HS2ST1: variants seen among roughly 807,000 people sequenced by gnomAD.
HS2ST1 encodes heparan sulfate 2-O-sulfotransferase 1.
Under a neutral mutation model 42.9 loss-of-function variants are expected in HS2ST1, and 18 were observed. The observed-to-expected ratio is 0.42, with a 90% CI of 0.29 to 0.62. HS2ST1 has a LOEUF of 0.62. Ranked by LOEUF, HS2ST1 falls within the 20% of genes least tolerant of loss-of-function variation. The pLI is 0.21. For missense variants in HS2ST1, 334 were observed against 433.8 expected, an observed-to-expected ratio of 0.77 and a Z score of 2.04; for synonymous variants, 146 against 152.9, an observed-to-expected ratio of 0.95 and a Z score of 0.33.
chr1:87,077,965 T>C (rs1382789252), intron 2 of HS2ST1, among the ~76,000 whole-genome samples: 3 of 152,232 alleles, frequency 2.0e-5, no homozygotes, highest in Non-Finnish European at 2.9e-5. Context: ...ACTTTTCTTA[T>C]ATTTTTATCC....
intron 1 of HS2ST1, among the ~76,000 whole-genome samples, chr1:87,006,587 T>G (rs1447124851): frequency 6.6e-6 from 1 of 152,068 alleles, no homozygotes; most frequent in Non-Finnish European, 1.5e-5. Flanking sequence ...TTAATTAGAA[T>G]GGTTAAGATG....
chr1:86,922,755 T>TTAA (rs1660326905), intron 1 of HS2ST1, among the ~76,000 whole-genome samples: 1 of 152,196 alleles, frequency 6.6e-6, no homozygotes. Context: ...TTGCCTACTT[T>TTAA]TAAGAGTTTC....
intron 1 of HS2ST1, chr1:87,064,555 A>G (rs373451823): frequency 4.6e-4 from 240 of 516,442 alleles, no homozygotes; most frequent in Non-Finnish European, 8.1e-4. Flanking sequence ...CTATCTGGAA[A>G]CCACACAAGA....
intron 1 of HS2ST1, among the ~76,000 whole-genome samples, chr1:86,950,747 G>T (rs1647490068): frequency 6.6e-6 from 1 of 152,082 alleles, no homozygotes; most frequent in Non-Finnish European, 1.5e-5. Context: ...TTAACAATTG[G>T]TCAGAGACTG....
Position 86,985,368 on chromosome 1 carries a change from G to GTATA in HS2ST1, c.124+70221_124+70224dup, listed in dbSNP as rs1553135008. 2.0e-3 allele frequency among the ~76,000 whole-genome samples: 54 copies of GTATA among 26,946 alleles called. 9 individuals carry two copies. Among genetic ancestry groups the GTATA allele is most frequent in the African/African-American group, 4.1e-3 (51 of 12,378 alleles). 17.7% of individuals were successfully genotyped at this position (26,946 alleles called of 152,430 possible). On this transcript the variant is annotated intron_variant, in intron 1 of 6. Transcript: ENST00000370550. Reference sequence around the variant, plus strand: ...ACTTGTATCAAAAAAAAAAAAAAAAGTATATATATATATATACACACACAC... The same window carrying GTATA: ...ACTTGTATCAAAAAAAAAAAAAAAAGTATATATATATATATATATACACACACAC...
intron 1 of HS2ST1, among the ~76,000 whole-genome samples, chr1:86,990,289 CTT>C (rs1474899178): frequency 3.3e-5 from 5 of 152,264 alleles, no homozygotes; most frequent in African/African-American, 1.2e-4. Context: ...GTTTGTATGA[CTT>C]TGCCATTTTT....
intron 2 of HS2ST1, among the ~76,000 whole-genome samples, chr1:87,083,113 ACT>A (rs1181122718): frequency 6.6e-6 from 1 of 152,186 alleles, no homozygotes; most frequent in Non-Finnish European, 1.5e-5. Flanking sequence ...CTATATCTGC[ACT>A]GTTTCCCCTC....
At chr1:87,100,459 G>T (rs1652172846) in intron 5 of HS2ST1, among the ~76,000 whole-genome samples, 1 of 152,144 alleles carries the variant, frequency 6.6e-6, no homozygotes, top group Admixed American at 6.5e-5. Context: ...TTCCCCCCAA[G>T]GCTTCTGGGC....
intron 1 of HS2ST1, among the ~76,000 whole-genome samples, chr1:86,990,651 C>CT (rs904711559): frequency 1.5e-4 from 22 of 148,424 alleles, no homozygotes; most frequent in African/African-American, 4.7e-4. Context: ...TGTCCAGTTT[C>CT]TTTTTTTTTG....
In HS2ST1 at chr1:86,986,049, T is replaced by TC. The variant is rs1570465549; in HGVS notation, c.124+70889_124+70890insC. Reference sequence around the variant, plus strand: ...TAATGAGCTTGGCCTCTTTTTTTTTTTTTTTTTAATCTCCCACATTTTCCA... The same window carrying TC: ...TAATGAGCTTGGCCTCTTTTTTTTTTCTTTTTTTAATCTCCCACATTTTCCA... On this transcript the variant is annotated intron_variant, in intron 1 of 6. Transcript: ENST00000370550. Among the ~76,000 whole-genome samples the TC allele has an allele frequency of 2.0e-5, 3 of 151,344 alleles. No individual in the cohort carries two copies. The East Asian group carries it at 5.8e-4, about 29-fold the overall frequency.
At chr1:86,937,622 A>T (rs888197981) in intron 1 of HS2ST1, among the ~76,000 whole-genome samples, 1 of 152,032 alleles carries the variant, frequency 6.6e-6, no homozygotes, top group African/African-American at 2.4e-5. Context: ...TTTTTTCAGC[A>T]TCTTATTTGG....
chr1:86,985,473 T>TAC (rs1327553600), intron 1 of HS2ST1, among the ~76,000 whole-genome samples: 16 of 76,204 alleles, frequency 2.1e-4, no homozygotes, highest in African/African-American at 4.6e-4. Context: ...TACACATATA[T>TAC]ACACATATAT....
chr1:87,048,726 G>A (rs760365358), intron 1 of HS2ST1, among the ~76,000 whole-genome samples: 2 of 152,038 alleles, frequency 1.3e-5, no homozygotes, highest in Non-Finnish European at 2.9e-5. Flanking sequence ...TTGTTTATGT[G>A]CATGTATTAA....
intron 1 of HS2ST1, among the ~76,000 whole-genome samples, chr1:87,058,789 C>T (rs773114631): frequency 2.0e-5 from 3 of 151,472 alleles, no homozygotes; most frequent in Non-Finnish European, 2.9e-5. Context: ...TGGCTGGGTG[C>T]GGTGGCTCAC....
intron 1 of HS2ST1, among the ~76,000 whole-genome samples, chr1:86,967,430 T>C (rs61771703): frequency 0.14 from 21,172 of 152,130 alleles, 1,573 homozygotes; most frequent in African/African-American, 0.19. Context: ...ATATGTAGTC[T>C]TTTATTCCAC....
intron 2 of HS2ST1, among the ~76,000 whole-genome samples, chr1:87,078,410 C>T (rs1651600140): frequency 1.3e-5 from 2 of 152,160 alleles, no homozygotes; most frequent in Admixed American, 1.3e-4. Context: ...TACTTGCTAG[C>T]CTGACTTGAG....
In HS2ST1 at chr1:87,064,449, C is replaced by G. The variant is rs778898496; in HGVS notation, c.125-8485C>G. 7.7e-6 allele frequency: 4 copies of G among 518,142 alleles called. No homozygotes were observed. The Admixed American group carries it at 7.8e-5, about 10-fold the overall frequency. The allele number at this position is 518,142 out of a possible 1,614,324, so 32.1% of individuals were successfully genotyped here. ...GTGAAACATAAGTCTACTCCATCTT[C>G]CCTTAAAGTGGAAGTCACTGTTAGC... is the stretch of plus-strand genomic sequence containing the variant. On this transcript the variant is annotated intron_variant, in intron 1 of 6. Transcript: ENST00000370550.
intron 1 of HS2ST1, among the ~76,000 whole-genome samples, chr1:87,041,535 G>T (rs542607143): frequency 1.3e-5 from 2 of 152,276 alleles, no homozygotes; most frequent in Admixed American, 6.5e-5. Flanking sequence ...GTGTTGTACA[G>T]CAGACCTCTG....
intron 1 of HS2ST1, among the ~76,000 whole-genome samples, chr1:87,055,748 T>A (rs952758554): frequency 1.3e-5 from 2 of 152,210 alleles, no homozygotes; most frequent in South Asian, 4.1e-4. Flanking sequence ...TTTGTCCTTA[T>A]GGTAAAAAGC....
Sources: gnomAD v4.1 joint callset for allele counts (sites outside exome capture counted in the v4.1 genomes callset) on GRCh38, gnomAD v4.1.1 for gene constraint, MANE v1.5 for transcripts, NCBI Gene and HGNC (gene_info 2026-07-23, HGNC 2026-07-21) for gene names.